Variants in RP1 observed in about 807,000 individuals in gnomAD.
The protein encoded by RP1 is RP1 axonemal microtubule associated.
A neutral mutation model predicts 14.8 loss-of-function variants in RP1; 16 were observed. That is an observed-to-expected ratio of 1.08 (90% CI 0.73 to 1.65). RP1 has a LOEUF of 1.65. Among genes scored for constraint, RP1 ranks in the 40% most tolerant of loss-of-function variants. The probability of loss-of-function intolerance (pLI) is 0.00; values close to 1 mark genes in which losing one functional copy is unlikely to be tolerated. For synonymous variants in RP1, 876 were observed against 883.6 expected, an observed-to-expected ratio of 0.99 and a Z score of 0.15; for missense variants, 2,631 against 2,535.0, an observed-to-expected ratio of 1.04 and a Z score of -0.81.
At chr8:54,706,240 A>G (rs966298376) in intron 14 of RP1, among the ~76,000 whole-genome samples, 2 of 152,206 alleles carry the variant, frequency 1.3e-5, no homozygotes, top group Non-Finnish European at 2.9e-5. Context: ...TATACTGTCA[A>G]CAAATGATAA....
At chr8:54,852,069 T>G (rs2129408303) in intron 25 of RP1, among the ~76,000 whole-genome samples, 1 of 152,328 alleles carries the variant, frequency 6.6e-6, no homozygotes, top group Non-Finnish European at 1.5e-5. Context: ...CTTACTGGAC[T>G]TTTTGAAAAA....
At chr8:54,750,072 G>T (rs1030776916) in intron 19 of RP1, among the ~76,000 whole-genome samples, 2 of 152,024 alleles carry the variant, frequency 1.3e-5, no homozygotes, top group African/African-American at 4.8e-5. Flanking sequence ...CAGGGAATTG[G>T]AATAGAATTT....
At chr8:54,775,694 T>C (rs966776632) in intron 23 of RP1, among the ~76,000 whole-genome samples, 68 of 152,314 alleles carry the variant, frequency 4.5e-4, no homozygotes, top group African/African-American at 1.6e-3. Flanking sequence ...AAGAAATGAT[T>C]GTCATTGTTT....
intron 24 of RP1, among the ~76,000 whole-genome samples, chr8:54,809,061 C>CTACATAGG: frequency 6.6e-6 from 1 of 152,242 alleles, no homozygotes. Context: ...AATAATTTCA[C>CTACATAGG]TTGGCACTTC....
intron 1 of RP1, among the ~76,000 whole-genome samples, chr8:54,599,817 G>T (rs1213115830): frequency 6.6e-6 from 1 of 152,138 alleles, no homozygotes; most frequent in Non-Finnish European, 1.5e-5. Flanking sequence ...GCTTTTTAAA[G>T]GTTGCATTCC....
intron 15 of RP1, among the ~76,000 whole-genome samples, chr8:54,711,130 C>A (rs993328295): frequency 6.6e-6 from 1 of 152,038 alleles, no homozygotes; most frequent in African/African-American, 2.4e-5. Context: ...TGAGTGTAAT[C>A]CTTGAGGATT....
intron 19 of RP1, among the ~76,000 whole-genome samples, chr8:54,753,411 G>A (rs1416513528): frequency 6.6e-6 from 1 of 152,126 alleles, no homozygotes; most frequent in Non-Finnish European, 1.5e-5. Flanking sequence ...TCATCAATGG[G>A]GAGGCTGCCA....
At chr8:54,607,844 A>AGG (rs1489581177) in intron 1 of RP1, among the ~76,000 whole-genome samples, 7 of 152,192 alleles carry the variant, frequency 4.6e-5, no homozygotes, top group African/African-American at 1.7e-4. Context: ...CCTCTGAGCC[A>AGG]TGCGTGGGAT....
At chr8:54,857,100 G>A (rs1812221847) in exon 27 of RP1, 13 of 1,215,862 alleles carry the variant, frequency 1.1e-5, no homozygotes, top group Non-Finnish European at 1.3e-5. Flanking sequence ...TGATGGAACA[G>A]GTCCAGGTAA....
chr8:54,647,910 T>C (rs1806580940), intron 3 of RP1, among the ~76,000 whole-genome samples: 1 of 152,116 alleles, frequency 6.6e-6, no homozygotes, highest in South Asian at 2.1e-4. Context: ...TCTGTGTCCT[T>C]ACCCAAATCT....
intron 24 of RP1, among the ~76,000 whole-genome samples, chr8:54,835,946 G>T (rs1811645895): frequency 6.6e-6 from 1 of 152,104 alleles, no homozygotes. Flanking sequence ...TTTTCTACGT[G>T]ATAGAATTCC....
At chr8:54,691,666 T>C (rs1001246847) in intron 12 of RP1, among the ~76,000 whole-genome samples, 1 of 151,914 alleles carries the variant, frequency 6.6e-6, no homozygotes, top group African/African-American at 2.4e-5. Flanking sequence ...AGGAACACCT[T>C]TGAGTGAAGA....
chr8:54,638,175 T>A (rs1806386591), intron 3 of RP1, among the ~76,000 whole-genome samples: 1 of 152,176 alleles, frequency 6.6e-6, no homozygotes, highest in Non-Finnish European at 1.5e-5. Context: ...GGAGTTCTTT[T>A]TTGATTCTTG....
intron 22 of RP1, chr8:54,769,593 T>C (rs1176970139): frequency 1.6e-6 from 1 of 617,716 alleles, no homozygotes; most frequent in African/African-American, 1.8e-5. Context: ...GGATTGTGTT[T>C]GACTATATAA....
rs1806207146 is a variant in RP1 at position 54,630,005 on chromosome 8, GT to G, written c.6125del (p.Leu2042Ter). ...FCMNFLHTSL[L>X]VVGNVDSNTQ... ...GTATGAATTTCTTGCACACATCATT[GT>G]TAGTTGTGGGTAATGTGGATTCAAA... On this transcript the variant is annotated frameshift_variant, in exon 4 of 4. Coordinates refer to ENST00000220676, the MANE Select transcript of RP1 (RefSeq NM_006269.2). LOFTEE classifies it low-confidence loss of function (END_TRUNC). 3 of 1,614,028 alleles carry G rather than the reference GT, an allele frequency of 1.9e-6. No homozygotes were observed.
intron 3 of RP1, among the ~76,000 whole-genome samples, chr8:54,637,682 C>G (rs1256468811): frequency 1.3e-5 from 2 of 152,064 alleles, no homozygotes; most frequent in Non-Finnish European, 1.5e-5. Flanking sequence ...CTTCATATCT[C>G]TGCCAATATA....
chr8:54,848,455 G>A (rs1811980585), intron 25 of RP1, among the ~76,000 whole-genome samples: 1 of 152,062 alleles, frequency 6.6e-6, no homozygotes. Context: ...GTGTGGATTG[G>A]GCCCAATGAT....
In RP1 at chr8:54,616,140, T is replaced by TTTTAAACATTTA; in HGVS notation, c.-74_-73insTTAAACATTTAT. On this transcript the variant is annotated 5_prime_UTR_variant, in exon 1 of 4. It adds an upstream start codon to the 5' untranslated region. Transcript: ENST00000220676. ...AGGTTACATATCCAGTGACATTTATTTGAGCTATTTAAACAACTTAAACAT... is the reference window on the plus strand; with the variant it reads ...AGGTTACATATCCAGTGACATTTATTTTTAAACATTTATGAGCTATTTAAACAACTTAAACAT... The TTTTAAACATTTA allele has an allele frequency of 6.6e-6, 1 of 152,346 alleles. No homozygotes were observed. The highest frequency in any genetic ancestry group is 1.5e-5 in the Non-Finnish European group (1 of 68,034). The allele number at this position is 152,346 out of a possible 1,614,324, so 9.4% of individuals were successfully genotyped here.
chr8:54,589,869 T>C (rs1805007539), intron 1 of RP1, among the ~76,000 whole-genome samples: 1 of 152,236 alleles, frequency 6.6e-6, no homozygotes, highest in Admixed American at 6.5e-5. Flanking sequence ...TGATCTCAAG[T>C]ACCAAGTGGG....
Sources: allele counts gnomAD v4.1 joint callset (sites outside exome capture counted in the v4.1 genomes callset), GRCh38; gene constraint gnomAD v4.1.1; transcripts MANE v1.5; gene names NCBI Gene and HGNC (gene_info 2026-07-23, HGNC 2026-07-21).